The following GLDC variants were observed in gnomAD, a reference collection of about 807,000 sequenced individuals.
GLDC encodes the protein glycine dehydrogenase (decarboxylating), mitochondrial.
GLDC carries 104 observed loss-of-function variants against 121.3 expected under a neutral mutation model. That is an observed-to-expected ratio of 0.86 (90% CI 0.73 to 1.01). The LOEUF is 1.01. GLDC is among the 50% of genes least tolerant of loss of function. The pLI is 0.00. For missense variants in GLDC, 1,429 were observed against 1,306.6 expected, an observed-to-expected ratio of 1.09 and a Z score of -1.44; for synonymous variants, 546 against 480.6, an observed-to-expected ratio of 1.14 and a Z score of -1.78.
intron 22 of GLDC, 114 bp downstream of exon 22, chr9:6,539,937 C>T (rs1339662585): frequency 1.3e-6 from 1 of 791,336 alleles, no homozygotes; most frequent in Non-Finnish European, 2.3e-6. Context: ...GAACCCTGAG[C>T]TCCCCATTTA....
Position 6,604,718 on chromosome 9 carries a change from C to A in GLDC, c.928G>T (p.Val310Leu). Reference sequence around the variant, plus strand: ...TGGGAGCTGCCCAGGGCGATGTCTACCCCAAATTCTCCAGGTGGCCTCAAG... The same window carrying A: ...TGGGAGCTGCCCAGGGCGATGTCTAACCCAAATTCTCCAGGTGGCCTCAAG... ...CILRPPGEFGVDIALGSSQRF... is the reference protein window; with the variant it reads ...CILRPPGEFGLDIALGSSQRF... The change falls in exon 7 of 25, where the codon GTA (valine) becomes TTA (leucine). Residue 310 changes from valine to leucine, a missense_variant. By Grantham distance (32) the Val-to-Leu change is conservative. Coordinates refer to ENST00000321612, the MANE Select transcript of GLDC (RefSeq NM_000170.3). 1 of 1,614,122 alleles carries A rather than the reference C, an allele frequency of 6.2e-7. No homozygotes were observed. Among genetic ancestry groups the A allele is most frequent in the Non-Finnish European group, 8.5e-7 (1 of 1,179,972 alleles).
At chr9:6,639,239 C>A in intron 2 of GLDC, 1 of 924,052 alleles carries the variant, frequency 1.1e-6, no homozygotes, top group African/African-American at 1.6e-5. Flanking sequence ...AAGGTGTCCA[C>A]AGCCACAAAA....
Position 6,589,178 on chromosome 9 carries a change from A to C in GLDC, c.1580+17T>G, listed in dbSNP as rs760340741. On this transcript the variant is annotated intron_variant, in intron 12 of 24. Transcript: ENST00000321612. ...TACCAAAGCACAAAACGCAGAAGTC[A>C]CACAAGACACACAAACCTGTTGAAC... 6.7e-7 allele frequency: 1 copy of C among 1,489,806 alleles called. No homozygotes were observed. The highest frequency in any genetic ancestry group is 1.1e-5 in the South Asian group (1 of 88,646). 92.3% of individuals were successfully genotyped at this position (1,489,806 alleles called of 1,614,324 possible).
chr9:6,624,175 G>C (rs530155425), intron 2 of GLDC, among the ~76,000 whole-genome samples: 81 of 152,350 alleles, frequency 5.3e-4, no homozygotes, highest in Non-Finnish European at 9.0e-4. Context: ...TAGTCCAGGA[G>C]GGAGATGGAT....
At chr9:6,563,728 CTG>C (rs1186381562) in intron 16 of GLDC, among the ~76,000 whole-genome samples, 2 of 152,224 alleles carry the variant, frequency 1.3e-5, no homozygotes, top group Non-Finnish European at 2.9e-5. Context: ...ATTTCAGGGT[CTG>C]TGTCTGTCTG....
chr9:6,636,291 G>A (rs1819500535), intron 2 of GLDC, among the ~76,000 whole-genome samples: 1 of 149,626 alleles, frequency 6.7e-6, no homozygotes, highest in African/African-American at 2.5e-5. Flanking sequence ...GTGACATAGT[G>A]AGACTCCGTC....
At chr9:6,556,455 A>C (rs57438631) in intron 17 of GLDC, among the ~76,000 whole-genome samples, 153 bp from the exon 18 acceptor site, 1 of 152,236 alleles carries the variant, frequency 6.6e-6, no homozygotes, top group Non-Finnish European at 1.5e-5. Context: ...AGCAATAAAA[A>C]AAAACCACAG....
At chr9:6,549,483 GC>G (rs1817465086) in intron 21 of GLDC, among the ~76,000 whole-genome samples, 1 of 152,170 alleles carries the variant, frequency 6.6e-6, no homozygotes, top group Non-Finnish European at 1.5e-5. Context: ...TTCTAAAGCT[GC>G]CTCAGGTGTG....
chr9:6,553,592 G>A (rs539872685), intron 19 of GLDC, 83 bp from the exon 20 acceptor site: 3 of 1,380,820 alleles, frequency 2.2e-6, no homozygotes, highest in Middle Eastern at 1.8e-4. Flanking sequence ...CTCCCAGAAA[G>A]CCTTGTTCTT....
intron 21 of GLDC, 106 bp downstream of exon 21, chr9:6,550,697 C>G: frequency 1.3e-6 from 1 of 780,796 alleles, no homozygotes; most frequent in Non-Finnish European, 2.4e-6. Context: ...CTGATATGTG[C>G]TAAGAAATAG....
intron 19 of GLDC, among the ~76,000 whole-genome samples, chr9:6,553,815 C>T (rs1817563254): frequency 6.6e-6 from 1 of 152,064 alleles, no homozygotes; most frequent in Non-Finnish European, 1.5e-5. Flanking sequence ...CAGCCCCATT[C>T]CCTCACCCCT....
At chr9:6,640,802 C>A (rs780202629) in intron 2 of GLDC, among the ~76,000 whole-genome samples, 4 of 152,168 alleles carry the variant, frequency 2.6e-5, no homozygotes, top group Non-Finnish European at 4.4e-5. Context: ...TGGCTTTGGT[C>A]ATAAAGTAAT....
At chr9:6,610,479 A>G (rs1217785735) in intron 3 of GLDC, 123 bp from the exon 4 acceptor site, 36 of 848,254 alleles carry the variant, frequency 4.2e-5, no homozygotes, top group Non-Finnish European at 6.3e-5. Flanking sequence ...ATTACATAAC[A>G]CACCAGTAAG....
intron 21 of GLDC, among the ~76,000 whole-genome samples, chr9:6,545,390 CAT>C (rs1817366868): frequency 6.6e-6 from 1 of 152,078 alleles, no homozygotes; most frequent in South Asian, 2.1e-4. Flanking sequence ...CATATCTCAA[CAT>C]AGAAAAGACA....
chr9:6,565,677 T>G lies in GLDC; in HGVS notation c.1851-248A>C. On this transcript the variant is annotated intron_variant, in intron 15 of 24. Transcript: ENST00000321612. ...ACTCCTACCCAAAGATGGAGCTTTC[T>G]ATATCCTTGCTCAGGACCACGCATT... The G allele has an allele frequency of 2.0e-5, 12 of 610,212 alleles. No homozygotes were observed. The South Asian group carries it at 2.4e-4, about 12-fold the overall frequency. The allele number at this position is 610,212 out of a possible 1,614,324, so 37.8% of individuals were successfully genotyped here.
intron 15 of GLDC, among the ~76,000 whole-genome samples, chr9:6,582,807 C>A (rs959730756): frequency 1.3e-5 from 2 of 148,796 alleles, no homozygotes; most frequent in Admixed American, 1.4e-4. Flanking sequence ...CCAGTCTGGG[C>A]GACAGAGCGA....
At position 6,606,573 on chromosome 9, in the gene GLDC, C is replaced by A; in HGVS notation, c.713+19G>T. ...ACATGACATTATACTGAGTTTAAAA[C>A]ACGAATCAAATTAATTACTTGGCTC... On this transcript the variant is annotated intron_variant, in intron 5 of 24. Coordinates refer to ENST00000321612, the MANE Select transcript of GLDC (RefSeq NM_000170.3). The A allele has an allele frequency of 1.4e-6, 2 of 1,450,892 alleles. No individual in the cohort carries two copies. Among genetic ancestry groups the A allele is most frequent in the Non-Finnish European group, 1.9e-6 (2 of 1,031,444 alleles). 89.9% of individuals were successfully genotyped at this position (1,450,892 alleles called of 1,614,324 possible).
intron 16 of GLDC, among the ~76,000 whole-genome samples, chr9:6,563,313 G>C (rs1817793755): frequency 2.0e-5 from 3 of 152,248 alleles, no homozygotes. Flanking sequence ...TGCGTGGAAA[G>C]AATCTGGATT....
At chr9:6,635,744 T>C (rs1819487796) in intron 2 of GLDC, among the ~76,000 whole-genome samples, 1 of 151,894 alleles carries the variant, frequency 6.6e-6, no homozygotes, top group Non-Finnish European at 1.5e-5. Context: ...GGTGCTGTGG[T>C]TCTCCTTGTG....
Sources: gnomAD v4.1 joint callset for allele counts (sites outside exome capture counted in the v4.1 genomes callset) on GRCh38, gnomAD v4.1.1 for gene constraint, MANE v1.5 for transcripts, NCBI Gene and HGNC (gene_info 2026-07-23, HGNC 2026-07-21) for gene names.